Variants in SEC23IP observed in about 807,000 individuals in gnomAD.
The protein encoded by SEC23IP is SEC23 interacting protein, also known as SEC23-interacting protein.
In SEC23IP, 70 loss-of-function variants were observed where a neutral mutation model predicts 113.4. The observed-to-expected ratio is 0.62, with a 90% CI of 0.51 to 0.75. The LOEUF (loss-of-function observed/expected upper bound fraction) is 0.75. Ranked by LOEUF, SEC23IP falls within the 30% of genes least tolerant of loss-of-function variation. SEC23IP has a pLI of 0.00. For synonymous variants in SEC23IP, 398 were observed against 421.0 expected (o/e 0.95, Z 0.67); for missense variants, 1,160 against 1,204.9 (o/e 0.96, Z 0.55).
intron 12 of SEC23IP, among the ~76,000 whole-genome samples, chr10:119,921,738 T>C (rs1855256203): frequency 6.6e-6 from 1 of 152,234 alleles, no homozygotes; most frequent in African/African-American, 2.4e-5. Context: ...AATTTATTGA[T>C]CAAATTAATT....
At chr10:119,928,954 A>G (rs868675179) in intron 13 of SEC23IP, among the ~76,000 whole-genome samples, 15 of 152,350 alleles carry the variant, frequency 9.8e-5, no homozygotes, top group African/African-American at 2.9e-4. Flanking sequence ...TTATTTTTCA[A>G]TCACATGTGA....
rs574517570 is a variant in SEC23IP, at chr10:119,940,900, A to C, written c.*335A>C. 4 of 152,378 alleles carry C rather than the reference A, an allele frequency of 2.6e-5. No homozygotes were observed. The East Asian group carries it at 7.7e-4, about 29-fold the overall frequency. 9.4% of individuals were successfully genotyped at this position (152,378 alleles called of 1,614,324 possible). A position where few individuals can be genotyped will look rare whatever the true frequency, so the allele number is the denominator to read the frequency against. On this transcript the variant is annotated 3_prime_UTR_variant, in exon 19 of 19. Coordinates refer to ENST00000369075, the MANE Select transcript of SEC23IP (RefSeq NM_007190.4). ...ATATCAATGAAGAAATATTTGTAGC[A>C]TGTAAACGGTTATTTCTGTTTCTTA...
At chr10:119,898,167 G>T (rs1290757318) in intron 1 of SEC23IP, 2 of 413,696 alleles carry the variant, frequency 4.8e-6, no homozygotes, top group Non-Finnish European at 8.0e-6. Flanking sequence ...TGTTAACAGC[G>T]TGATTGTCTC....
At chr10:119,901,034 T>C (rs1439452980) in intron 2 of SEC23IP, among the ~76,000 whole-genome samples, 1 of 73,794 alleles carries the variant, frequency 1.4e-5, no homozygotes, top group Non-Finnish European at 2.6e-5. Flanking sequence ...TTTTTTTTTT[T>C]TTTAAAGAGT....
At chr10:119,921,815 T>C (rs1056391524) in intron 12 of SEC23IP, among the ~76,000 whole-genome samples, 1 of 152,238 alleles carries the variant, frequency 6.6e-6, no homozygotes, top group Non-Finnish European at 1.5e-5. Context: ...TGTATTGTTA[T>C]TAACATGCTC....
rs938177825 is a variant in SEC23IP, at chr10:119,941,491, CTTTG to C, written c.*930_*933del. 71 of 152,390 alleles carry C rather than the reference CTTTG, an allele frequency of 4.7e-4. No individual in the cohort carries two copies. Among genetic ancestry groups the C allele is most frequent in the African/African-American group, 1.7e-3 (71 of 41,564 alleles). 9.4% of individuals were successfully genotyped at this position (152,390 alleles called of 1,614,324 possible). On this transcript the variant is annotated 3_prime_UTR_variant, in exon 19 of 19. Coordinates refer to ENST00000369075, the MANE Select transcript of SEC23IP (RefSeq NM_007190.4). Reference sequence around the variant, plus strand: ...GACAAGACTGCTTTGTAATATTTCACTTTGTTTTACTACAAATTCAGATCACTTT... The same window carrying C: ...GACAAGACTGCTTTGTAATATTTCACTTTTACTACAAATTCAGATCACTTT...
intron 18 of SEC23IP, among the ~76,000 whole-genome samples, chr10:119,939,669 T>A (rs1320548145): frequency 1.3e-5 from 2 of 152,184 alleles, no homozygotes; most frequent in Admixed American, 6.5e-5. Flanking sequence ...GGCGAGACTC[T>A]GTCTCAAAGA....
rs1281846814 is a variant in SEC23IP, at chr10:119,941,300, T to C, written c.*735T>C. The stretch of plus-strand genomic sequence containing the variant: ...AGCAGATGAGAGGTTTTCCATTTTG[T>C]CATCCAAGGTAGCTGTGCACTTGCC... On this transcript the variant is annotated 3_prime_UTR_variant, in exon 19 of 19. Transcript: ENST00000369075. 3 of 152,224 alleles carry C rather than the reference T, an allele frequency of 2.0e-5. No individual in the cohort carries two copies. The East Asian group carries it at 5.8e-4, about 29-fold the overall frequency. 9.4% of individuals were successfully genotyped at this position (152,224 alleles called of 1,614,324 possible).
chr10:119,943,200 T>C lies in SEC23IP; in HGVS notation c.*2635T>C, dbSNP rs1041882754. On this transcript the variant is annotated 3_prime_UTR_variant, in exon 19 of 19. Coordinates refer to ENST00000369075, the MANE Select transcript of SEC23IP (RefSeq NM_007190.4). ...AGTGTTTTGGTTTTCCTCCAAGTTA[T>C]AGTTCTCATTGTAACTTAATAAGTT... The C allele has an allele frequency of 1.3e-5, 2 of 152,220 alleles. No homozygotes were observed. The highest frequency in any genetic ancestry group is 2.1e-4 in the South Asian group (1 of 4,826). 9.4% of individuals were successfully genotyped at this position (152,220 alleles called of 1,614,324 possible).
chr10:119,932,883 T>G, intron 16 of SEC23IP, 122 bp from the exon 17 acceptor site: 2 of 782,258 alleles, frequency 2.6e-6, no homozygotes, highest in Non-Finnish European at 4.0e-6. Context: ...GGAGTGAGCC[T>G]GGTAGCTCCT....
chr10:119,932,248 C>A lies in SEC23IP; in HGVS notation c.2688C>A (p.Thr896=). ...NEFARAHTSS[T]QLQEELEKVA... is the part of the protein sequence containing the mutation. ...TTGCCCGTGCTCATACGTCTTCAAC[C>A]CAGTTGCAAGAAGAATTGGAGAAGG... The change falls in exon 16 of 19, where the codon ACC becomes ACA. Residue 896 remains threonine (T), a synonymous_variant. Coordinates refer to ENST00000369075, the MANE Select transcript of SEC23IP (RefSeq NM_007190.4). 1.2e-6 allele frequency: 2 copies of A among 1,613,848 alleles called. No homozygotes were observed. The highest frequency in any genetic ancestry group is 1.7e-6 in the Non-Finnish European group (2 of 1,179,854).
rs1854359504 is a variant in SEC23IP at position 119,898,484 on chromosome 10, C to T, written c.221C>T (p.Thr74Ile). 6.2e-7 allele frequency: 1 copy of T among 1,614,084 alleles called. No homozygotes were observed. Among genetic ancestry groups the T allele is most frequent in the East Asian group, 2.2e-5 (1 of 44,874 alleles). ...TTCCTTGGTCAGACTTCTATTCACACATCTGCCCCACAGACATTTAGTTAC... is the reference window on the plus strand; with the variant it reads ...TTCCTTGGTCAGACTTCTATTCACATATCTGCCCCACAGACATTTAGTTAC... ...DSFLGQTSIH[T>I]SAPQTFSYFS... Residue 74 changes from threonine to isoleucine, a missense_variant, in exon 2 of 19, where the codon ACA becomes ATA. Thr to Ile is a moderately conservative substitution (Grantham distance 89). Transcript: ENST00000369075.
chr10:119,917,929 C>T lies in SEC23IP; in HGVS notation c.1638C>T (p.Thr546=). The change falls in exon 9 of 19, where the codon ACC becomes ACT. Residue 546 remains threonine (T), a synonymous_variant. Transcript: ENST00000369075. ...ATATTTTATTTTATAACAGCCCCAC[C>T]TACTGTCAGACAATTGTGGAAAAAG... The part of the protein sequence containing the change: ...LLDILFYNSP[T]YCQTIVEKVG... 1 of 1,613,952 alleles carries T rather than the reference C, an allele frequency of 6.2e-7. No homozygotes were observed. Among genetic ancestry groups the T allele is most frequent in the Non-Finnish European group, 8.5e-7 (1 of 1,179,866 alleles).
intron 6 of SEC23IP, chr10:119,914,428 C>T (rs891266258): frequency 1.1e-5 from 4 of 357,584 alleles, no homozygotes; most frequent in Middle Eastern, 8.8e-4. Flanking sequence ...CTGGGGAGTT[C>T]TGAAGCATCA....
At chr10:119,918,995 A>ATTTTT (rs61207350) in intron 10 of SEC23IP, among the ~76,000 whole-genome samples, 49 of 143,814 alleles carry the variant, frequency 3.4e-4, no homozygotes, top group African/African-American at 1.2e-3. Flanking sequence ...AGAATATTCA[A>ATTTTT]TTTTTTTTTT....
intron 13 of SEC23IP, among the ~76,000 whole-genome samples, chr10:119,928,325 T>C (rs1855486933): frequency 1.3e-5 from 2 of 152,252 alleles, no homozygotes; most frequent in South Asian, 4.1e-4. Flanking sequence ...TCATGTATGT[T>C]ATAAATATTT....
intron 14 of SEC23IP, among the ~76,000 whole-genome samples, chr10:119,930,101 T>G (rs1855548322): frequency 6.6e-6 from 1 of 152,228 alleles, no homozygotes; most frequent in Non-Finnish European, 1.5e-5. Flanking sequence ...TCCAATAAAC[T>G]TATCAAAAGC....
chr10:119,918,242 T>C, intron 9 of SEC23IP, 151 bp from the exon 10 acceptor site: 1 of 671,614 alleles, frequency 1.5e-6, no homozygotes, highest in Non-Finnish European at 2.5e-6. Flanking sequence ...CTATGTATTT[T>C]ACTTTATTCT....
Position 119,898,579 on chromosome 10 carries a change from A to T in SEC23IP, c.316A>T (p.Thr106Ser). The change falls in exon 2 of 19, where the codon ACC becomes TCC. Residue 106 changes from threonine to serine, a missense_variant. By Grantham distance (58) the Thr-to-Ser change is moderately conservative. Coordinates refer to ENST00000369075, the MANE Select transcript of SEC23IP (RefSeq NM_007190.4). ...ACAGTCACCATTAACAACTGCAGCAACCTCAGTTGGACAATCAGGATTCCC... is the reference window on the plus strand; with the variant it reads ...ACAGTCACCATTAACAACTGCAGCATCCTCAGTTGGACAATCAGGATTCCC... ...IGQSPLTTAATSVGQSGFPKP... is the reference protein window; with the variant it reads ...IGQSPLTTAASSVGQSGFPKP... 6.2e-7 allele frequency: 1 copy of T among 1,614,152 alleles called. No homozygotes were observed. Among genetic ancestry groups the T allele is most frequent in the Non-Finnish European group, 8.5e-7 (1 of 1,179,990 alleles).
Sources: gnomAD v4.1 joint callset for allele counts (sites outside exome capture counted in the v4.1 genomes callset) on GRCh38, gnomAD v4.1.1 for gene constraint, MANE v1.5 for transcripts, NCBI Gene and HGNC (gene_info 2026-07-23, HGNC 2026-07-21) for gene names.